Variants in THSD7A observed in about 807,000 individuals in gnomAD.
THSD7A encodes thrombospondin type-1 domain-containing protein 7A.
A neutral mutation model predicts 231.3 loss-of-function variants in THSD7A; 96 were observed. The ratio of observed to expected loss-of-function variants is 0.41; its 90% CI spans 0.35 to 0.49. THSD7A has a LOEUF of 0.49. THSD7A is among the 20% of genes least tolerant of loss of function. The pLI is 0.05. For synonymous variants in THSD7A, 940 were observed against 743.3 expected (o/e 1.26, Z -4.30); for missense variants, 2,290 against 2,070.2 (o/e 1.11, Z -2.06).
chr7:11,815,948 C>G (rs1004101611), intron 1 of THSD7A, among the ~76,000 whole-genome samples: 1 of 152,098 alleles, frequency 6.6e-6, no homozygotes, highest in African/African-American at 2.4e-5. Context: ...AATTTCTTCA[C>G]AACTGTTCCT....
chr7:11,485,148 C>A (rs1047460804), intron 6 of THSD7A, among the ~76,000 whole-genome samples: 1 of 151,996 alleles, frequency 6.6e-6, no homozygotes, highest in Non-Finnish European at 1.5e-5. Flanking sequence ...CTCAGCCTCC[C>A]AAAGTGCTGG....
At chr7:11,527,391 AT>A (rs1270712651) in intron 6 of THSD7A, among the ~76,000 whole-genome samples, 3 of 151,588 alleles carry the variant, frequency 2.0e-5, no homozygotes. Context: ...TGGCCAAAAT[AT>A]ATATATATAT....
chr7:11,555,197 G>C (rs1282001835), intron 4 of THSD7A, among the ~76,000 whole-genome samples: 1 of 151,534 alleles, frequency 6.6e-6, no homozygotes, highest in Middle Eastern at 3.2e-3. Context: ...TTATTGATTT[G>C]TGTCTTATCC....
chr7:11,723,359 T>A (rs112912285), intron 1 of THSD7A, among the ~76,000 whole-genome samples: 6 of 151,028 alleles, frequency 4.0e-5, no homozygotes, highest in Non-Finnish European at 8.9e-5. Flanking sequence ...TAGCATTAGG[T>A]GGTATACCTA....
intron 23 of THSD7A, among the ~76,000 whole-genome samples, chr7:11,395,657 A>AGCT (rs1783156434): frequency 6.6e-6 from 1 of 151,570 alleles, no homozygotes; most frequent in Non-Finnish European, 1.5e-5. Context: ...CCTCCCGAGT[A>AGCT]GCTGGGACTA....
chr7:11,730,229 A>G (rs1405842575), intron 1 of THSD7A, among the ~76,000 whole-genome samples: 1 of 151,704 alleles, frequency 6.6e-6, no homozygotes. Flanking sequence ...ATTAAAATTT[A>G]AAAATGAAGC....
chr7:11,642,346 G>C (rs1350365733), intron 1 of THSD7A, among the ~76,000 whole-genome samples: 1 of 152,078 alleles, frequency 6.6e-6, no homozygotes, highest in Non-Finnish European at 1.5e-5. Context: ...TTATTATTTA[G>C]AAGGAATTTG....
chr7:11,780,978 A>G (rs1483616164), intron 1 of THSD7A, among the ~76,000 whole-genome samples: 1 of 113,300 alleles, frequency 8.8e-6, no homozygotes, highest in Non-Finnish European at 1.7e-5. Context: ...GGCCTGGGCG[A>G]CAGAGCGAGA....
chr7:11,669,734 T>C (rs1171306295), intron 1 of THSD7A, among the ~76,000 whole-genome samples: 1 of 152,102 alleles, frequency 6.6e-6, no homozygotes, highest in African/African-American at 2.4e-5. Flanking sequence ...CCAATGATCT[T>C]GCTTCAAAGA....
intron 6 of THSD7A, among the ~76,000 whole-genome samples, chr7:11,533,878 TG>T (rs1562692885): frequency 6.6e-6 from 1 of 152,176 alleles, no homozygotes; most frequent in Non-Finnish European, 1.5e-5. Flanking sequence ...ACTTGTATCT[TG>T]GGACTTAAAG....
At chr7:11,609,022 T>A (rs1317938439) in intron 2 of THSD7A, among the ~76,000 whole-genome samples, 1 of 152,194 alleles carries the variant, frequency 6.6e-6, no homozygotes, top group Non-Finnish European at 1.5e-5. Flanking sequence ...GTATTCTATG[T>A]GTCATCACAG....
chr7:11,763,735 T>A (rs1189892001), intron 1 of THSD7A, among the ~76,000 whole-genome samples: 1 of 152,166 alleles, frequency 6.6e-6, no homozygotes, highest in Non-Finnish European at 1.5e-5. Context: ...TGTAGCTGGT[T>A]ATTAAATACG....
intron 5 of THSD7A, 113 bp downstream of exon 5, chr7:11,542,849 T>C (rs554941409): frequency 1.3e-5 from 15 of 1,189,024 alleles, no homozygotes; most frequent in African/African-American, 1.1e-4. Flanking sequence ...TAATAGTCTT[T>C]AGCCATTCTG....
intron 6 of THSD7A, among the ~76,000 whole-genome samples, chr7:11,540,852 G>A (rs916968844): frequency 1.1e-4 from 17 of 152,202 alleles, no homozygotes; most frequent in African/African-American, 3.9e-4. Context: ...CCACTATCCA[G>A]TGGCTCTAGG....
intron 4 of THSD7A, among the ~76,000 whole-genome samples, chr7:11,551,964 C>T (rs1404179911): frequency 6.6e-6 from 1 of 151,924 alleles, no homozygotes; most frequent in Non-Finnish European, 1.5e-5. Context: ...CAACAGTGAA[C>T]TGGATAAAGA....
At chr7:11,719,818 G>C (rs1054810932) in intron 1 of THSD7A, among the ~76,000 whole-genome samples, 1 of 151,736 alleles carries the variant, frequency 6.6e-6, no homozygotes, top group Admixed American at 6.6e-5. Context: ...GGCCATATCT[G>C]TTAAGTCTAC....
chr7:11,676,538 C>T (rs143615290), intron 1 of THSD7A, among the ~76,000 whole-genome samples: 387 of 152,142 alleles, frequency 2.5e-3, no homozygotes, highest in African/African-American at 8.9e-3. Flanking sequence ...TGAGAGGAAT[C>T]GCTAACTGGA....
At position 11,407,021 on chromosome 7, in the gene THSD7A, G is replaced by A. The variant is rs370125876; in HGVS notation, c.3951C>T (p.Pro1317=). Residue 1317 remains proline, a synonymous_variant, in exon 21 of 28, where the codon CCC becomes CCT. Coordinates refer to ENST00000423059, the MANE Select transcript of THSD7A (RefSeq NM_015204.3). ...GGCATGGTCTTCCATCACCTTGAAA[G>A]GGCTGGGTCACTGTTCGTCTTCGGA... ...KMIRRRTVTQ[P]FQGDGRPCPS... is the part of the protein sequence containing the mutation. The A allele has an allele frequency of 1.0e-4, 164 of 1,613,740 alleles. No individual in the cohort carries two copies. The highest frequency in any genetic ancestry group is 1.3e-4 in the Non-Finnish European group (151 of 1,179,862).
At position 11,406,937 on chromosome 7, in the gene THSD7A, A is replaced by G. The variant is rs1319677847; in HGVS notation, c.4035T>C (p.Tyr1345=). ...CPVKPCYRWQ[Y]GQWSPCQVQE... is the part of the protein sequence containing the mutation. ...GCACTTGGCATGGAGACCACTGGCCATATTGCCACCGATAACAAGGCTTCA... is the reference window on the plus strand; with the variant it reads ...GCACTTGGCATGGAGACCACTGGCCGTATTGCCACCGATAACAAGGCTTCA... The change falls in exon 21 of 28, where the codon TAT becomes TAC. Residue 1345 remains tyrosine, a synonymous_variant. Coordinates refer to ENST00000423059, the MANE Select transcript of THSD7A (RefSeq NM_015204.3). This position sits in a 1 kb window ranked among gnomAD's most constrained non-coding sequence, Gnocchi z 4.7. 1 of 1,613,836 alleles carries G rather than the reference A, an allele frequency of 6.2e-7. No individual in the cohort carries two copies. The highest frequency in any genetic ancestry group is 8.5e-7 in the Non-Finnish European group (1 of 1,179,832).
Sources: gnomAD v4.1 joint callset for allele counts (sites outside exome capture counted in the v4.1 genomes callset) on GRCh38, gnomAD v4.1.1 for gene constraint, Gnocchi (gnomAD v3.1) non-coding constraint, MANE v1.5 for transcripts, NCBI Gene and HGNC (gene_info 2026-07-23, HGNC 2026-07-21) for gene names.